The following DCX variants were observed in gnomAD, a reference collection of about 807,000 sequenced individuals.
DCX encodes doublecortin, also known as neuronal migration protein doublecortin.
In DCX, 4 loss-of-function variants were observed where a neutral mutation model predicts 20.9. The ratio of observed to expected loss-of-function variants is 0.19; its 90% CI spans 0.09 to 0.44. The LOEUF (loss-of-function observed/expected upper bound fraction) is 0.44, where lower values mean the gene tolerates loss of function less well. DCX is among the 20% of genes least tolerant of loss of function. The pLI is 0.99. For synonymous variants in DCX, 103 were observed against 111.4 expected (o/e 0.92, Z 0.47); for missense variants, 133 against 296.9 (o/e 0.45, Z 4.06).
intron 3 of DCX, among the ~76,000 whole-genome samples, chrX:111,369,669 T>C (rs889645346): frequency 8.9e-6 from 1 of 111,864 alleles, no homozygotes; most frequent in Non-Finnish European, 1.9e-5. Flanking sequence ...TTAGCACATA[T>C]TTCCAAGAGT....
intron 6 of DCX, among the ~76,000 whole-genome samples, chrX:111,311,657 T>C (rs1471472381): frequency 8.9e-6 from 1 of 112,327 alleles, no homozygotes; most frequent in Non-Finnish European, 1.9e-5. Flanking sequence ...CTAGATATGT[T>C]ACCCTAGTAA....
intron 3 of DCX, among the ~76,000 whole-genome samples, chrX:111,345,919 T>G (rs2147662869): frequency 9.0e-6 from 1 of 111,192 alleles, no homozygotes; most frequent in African/African-American, 3.3e-5. Flanking sequence ...TTTCTTGACT[T>G]TTTAATAATC....
intron 2 of DCX, among the ~76,000 whole-genome samples, chrX:111,408,018 A>G (rs752483431): frequency 2.0e-4 from 22 of 111,822 alleles, no homozygotes; most frequent in South Asian, 3.8e-4. Context: ...CATGGAAATG[A>G]GGACATATTG....
chrX:111,385,829 GAA>G (rs1926451705), intron 3 of DCX, among the ~76,000 whole-genome samples: 5 of 104,477 alleles, frequency 4.8e-5, no homozygotes, highest in Non-Finnish European at 7.9e-5. Flanking sequence ...AGGAAGGAAG[GAA>G]GGAAGGAAGG....
chrX:111,396,793 G>A (rs1316841973), intron 3 of DCX, among the ~76,000 whole-genome samples: 1 of 111,687 alleles, frequency 9.0e-6, no homozygotes, highest in Non-Finnish European at 1.9e-5. Flanking sequence ...CCTCTATCAT[G>A]TCCTCTTTGA....
In DCX at chrX:111,311,318, G is replaced by A. The variant is rs905375242; in HGVS notation, c.1044+1321C>T. ...AAGTTAAAGGGGCCATTAAAGCAATGGAACAGACATTAGAAATTATGGGGC... is the reference window on the plus strand; with the variant it reads ...AAGTTAAAGGGGCCATTAAAGCAATAGAACAGACATTAGAAATTATGGGGC... On this transcript the variant is annotated intron_variant, in intron 6 of 6. Transcript: ENST00000636035. Among the ~76,000 whole-genome samples the A allele has an allele frequency of 4.5e-5, 5 of 112,140 alleles. No homozygotes were observed. The Admixed American group carries it at 4.7e-4, about 11-fold the overall frequency.
intron 3 of DCX, among the ~76,000 whole-genome samples, chrX:111,342,960 A>C (rs1169511101): frequency 9.0e-6 from 1 of 111,070 alleles, no homozygotes; most frequent in Non-Finnish European, 1.9e-5. Flanking sequence ...CACATCAGAA[A>C]CCTAGAAAGA....
At chrX:111,309,058 G>C (rs2095051893) in intron 6 of DCX, among the ~76,000 whole-genome samples, 1 of 111,622 alleles carries the variant, frequency 9.0e-6, no homozygotes, top group Admixed American at 9.5e-5. Flanking sequence ...CTGTGCGATA[G>C]AAAAAAGCAG....
At chrX:111,410,554 G>GA in intron 1 of DCX, 134 bp from the exon 2 acceptor site, 1 of 969,242 alleles carries the variant, frequency 1.0e-6, no homozygotes, top group Non-Finnish European at 1.4e-6. Flanking sequence ...AGAACTGGTT[G>GA]AAAAAAGCCT....
At chrX:111,398,921 C>T (rs1197958633) in intron 3 of DCX, among the ~76,000 whole-genome samples, 2 of 110,860 alleles carry the variant, frequency 1.8e-5, no homozygotes, top group East Asian at 2.8e-4. Context: ...AAGACCATCC[C>T]GGGCAACACA....
chrX:111,382,050 G>T (rs1229588230), intron 3 of DCX, among the ~76,000 whole-genome samples: 1 of 111,646 alleles, frequency 9.0e-6, no homozygotes, highest in African/African-American at 3.3e-5. Context: ...TTGAAACCCA[G>T]AATGCTGGGC....
chrX:111,335,034 A>T (rs1280288831), intron 3 of DCX, among the ~76,000 whole-genome samples: 1 of 111,769 alleles, frequency 8.9e-6, no homozygotes, highest in Non-Finnish European at 1.9e-5. Flanking sequence ...TCAATAAAAC[A>T]CAGAGCCCTT....
intron 5 of DCX, among the ~76,000 whole-genome samples, chrX:111,318,685 T>C (rs1603413682): frequency 9.0e-6 from 1 of 110,925 alleles, no homozygotes; most frequent in East Asian, 2.9e-4. Context: ...CTTAGCAAAC[T>C]AACACAGGAA....
intron 5 of DCX, among the ~76,000 whole-genome samples, chrX:111,322,090 T>G (rs1045444932): frequency 1.8e-5 from 2 of 112,302 alleles, no homozygotes; most frequent in Non-Finnish European, 1.9e-5. Context: ...ATGATAATAA[T>G]TTCAGAGCCC....
At chrX:111,360,994 G>C (rs1767581192) in intron 3 of DCX, among the ~76,000 whole-genome samples, 1 of 111,760 alleles carries the variant, frequency 8.9e-6, no homozygotes, top group East Asian at 2.8e-4. Flanking sequence ...ATGTTCAGCA[G>C]CATCCCTCCC....
At chrX:111,377,564 C>T (rs1264306959) in intron 3 of DCX, among the ~76,000 whole-genome samples, 1 of 111,448 alleles carries the variant, frequency 9.0e-6, no homozygotes, top group African/African-American at 3.3e-5. Flanking sequence ...CCCAATCGGA[C>T]TGCTTGGGTT....
intron 6 of DCX, among the ~76,000 whole-genome samples, chrX:111,304,950 C>T (rs1337582945): frequency 1.8e-5 from 2 of 111,627 alleles, no homozygotes; most frequent in Non-Finnish European, 3.8e-5. Flanking sequence ...CAAGAGAATG[C>T]TAAGATGGAG....
At chrX:111,335,268 CACTT>C (rs1921616341) in intron 3 of DCX, among the ~76,000 whole-genome samples, 1 of 112,003 alleles carries the variant, frequency 8.9e-6, no homozygotes, top group African/African-American at 3.2e-5. Flanking sequence ...CATGAGGACT[CACTT>C]AGTTCTCCCC....
intron 6 of DCX, among the ~76,000 whole-genome samples, chrX:111,309,874 T>C (rs1209668083): frequency 8.9e-6 from 1 of 112,128 alleles, no homozygotes; most frequent in Non-Finnish European, 1.9e-5. Context: ...AGTTTGAATA[T>C]GGACTGCAGA....
Sources: allele counts gnomAD v4.1 joint callset (sites outside exome capture counted in the v4.1 genomes callset), GRCh38; gene constraint gnomAD v4.1.1; transcripts MANE v1.5; gene names NCBI Gene and HGNC (gene_info 2026-07-23, HGNC 2026-07-21).